MEGF11: variants seen among roughly 807,000 people sequenced by gnomAD.
The protein encoded by MEGF11 is multiple EGF like domains 11, also known as multiple epidermal growth factor-like domains protein 11.
MEGF11 carries 126 observed loss-of-function variants against 146.6 expected under a neutral mutation model. The observed-to-expected ratio is 0.86, with a 90% CI of 0.74 to 1.00. The LOEUF is 1.00. Among genes scored for constraint, MEGF11 ranks in the 50% least tolerant of loss-of-function variants. The probability of loss-of-function intolerance (pLI) is 0.00; values close to 1 mark genes in which losing one functional copy is unlikely to be tolerated. For synonymous variants in MEGF11, 532 were observed against 583.4 expected, an observed-to-expected ratio of 0.91 and a Z score of 1.27; for missense variants, 1,509 against 1,521.2, an observed-to-expected ratio of 0.99 and a Z score of 0.13.
At chr15:66,126,364 G>C (rs571250474) in intron 2 of MEGF11, among the ~76,000 whole-genome samples, 2 of 152,304 alleles carry the variant, frequency 1.3e-5, no homozygotes, top group South Asian at 4.1e-4. Context: ...AGAGTCCCCA[G>C]ACCTCATTCC....
chr15:65,950,628 A>C (rs565246326), intron 10 of MEGF11, among the ~76,000 whole-genome samples: 2 of 145,126 alleles, frequency 1.4e-5, no homozygotes, highest in African/African-American at 5.2e-5. Context: ...CACACACACA[A>C]AAGGAAATAA....
At chr15:66,166,375 T>C (rs147755702) in intron 1 of MEGF11, among the ~76,000 whole-genome samples, 1 of 152,252 alleles carries the variant, frequency 6.6e-6, no homozygotes, top group African/African-American at 2.4e-5. Flanking sequence ...CTCTGATCCA[T>C]GCACCAGCAT....
intron 16 of MEGF11, 48 bp downstream of exon 16, chr15:65,917,918 T>C (rs369914666): frequency 1.2e-6 from 2 of 1,611,364 alleles, no homozygotes; most frequent in African/African-American, 2.7e-5. Context: ...AGGGAGAATT[T>C]TTGGGCCTGA....
intron 5 of MEGF11, among the ~76,000 whole-genome samples, chr15:66,080,307 C>T (rs12912161): frequency 1.3e-5 from 2 of 152,302 alleles, no homozygotes; most frequent in South Asian, 2.1e-4. Context: ...TCACCAGATG[C>T]GGGACCTCAG....
chr15:65,913,002 T>C (rs993240676), intron 20 of MEGF11, among the ~76,000 whole-genome samples: 2 of 152,188 alleles, frequency 1.3e-5, no homozygotes, highest in African/African-American at 4.8e-5. Context: ...CCCAGGACTA[T>C]AGGGCAATTT....
chr15:65,966,799 G>A (rs996315888), intron 8 of MEGF11, among the ~76,000 whole-genome samples: 1 of 151,936 alleles, frequency 6.6e-6, no homozygotes, highest in Non-Finnish European at 1.5e-5. Context: ...TCCTCCGTGG[G>A]CGAGTGTGAC....
chr15:66,166,424 C>T (rs141006860), intron 1 of MEGF11, among the ~76,000 whole-genome samples: 4 of 152,272 alleles, frequency 2.6e-5, no homozygotes, highest in African/African-American at 4.8e-5. Context: ...CTCCTGCTTC[C>T]CCTCTTCCAG....
chr15:65,965,608 T>TCTTTC (rs1567180111), intron 8 of MEGF11, among the ~76,000 whole-genome samples: 8 of 68,862 alleles, frequency 1.2e-4, no homozygotes, highest in Non-Finnish European at 2.2e-4. Context: ...TTCTTTTTTT[T>TCTTTC]TTTTCTTTTT....
At position 65,902,470 on chromosome 15, in the gene MEGF11, AG is replaced by A. The variant is rs534494147; in HGVS notation, c.3056-3537del. On this transcript the variant is annotated intron_variant, in intron 24 of 25. Transcript: ENST00000395614. ...CTCTACTGGGACTGGAGAATGGGGA[AG>A]GGCTGGGCAAGCTGGAAACTCCACC... 1,041 of 152,366 alleles carry A rather than the reference AG, an allele frequency of 6.8e-3. 12 individuals are homozygous for A. The highest frequency in any genetic ancestry group is 0.011 in the Non-Finnish European group (735 of 68,084). The allele number at this position is 152,366 out of a possible 1,614,324, so 9.4% of individuals were successfully genotyped here. A position where few individuals can be genotyped will look rare whatever the true frequency, so the allele number is the denominator to read the frequency against.
intron 10 of MEGF11, among the ~76,000 whole-genome samples, chr15:65,937,970 G>C (rs1012189624): frequency 6.6e-6 from 1 of 152,226 alleles, no homozygotes; most frequent in African/African-American, 2.4e-5. Context: ...GGGCCCTTTA[G>C]CTCTGACTCT....
chr15:66,075,695 C>T (rs898864311), intron 5 of MEGF11, among the ~76,000 whole-genome samples: 8 of 152,132 alleles, frequency 5.3e-5, no homozygotes, highest in African/African-American at 1.9e-4. Context: ...GAGAAAAGGT[C>T]GGGACCCAGA....
At position 66,023,257 on chromosome 15, in the gene MEGF11, T is replaced by C. The variant is rs564249212; in HGVS notation, c.395-40769A>G. On this transcript the variant is annotated intron_variant, in intron 5 of 25. Transcript: ENST00000395614. ...TGGAGAGAGGCCAGTAGCAGCTGCT[T>C]CTTGCTCTGAATTCCAGGGTGCAGC... Among the ~76,000 whole-genome samples, 6 of 152,240 alleles carry C rather than the reference T, an allele frequency of 3.9e-5. No individual in the cohort carries two copies. The East Asian group carries it at 9.7e-4, about 25-fold the overall frequency.
chr15:66,160,640 A>G (rs1295534016), intron 1 of MEGF11, among the ~76,000 whole-genome samples: 1 of 149,778 alleles, frequency 6.7e-6, no homozygotes, highest in Non-Finnish European at 1.5e-5. Flanking sequence ...ACTATATGCC[A>G]GGCACTGCTC....
chr15:66,217,800 G>C (rs1290361606), intron 1 of MEGF11, among the ~76,000 whole-genome samples: 1 of 152,166 alleles, frequency 6.6e-6, no homozygotes, highest in Non-Finnish European at 1.5e-5. Context: ...TAGAACTCGG[G>C]CCTCCTGACT....
chr15:65,913,535 A>G (rs2078884308), intron 20 of MEGF11: 1 of 606,612 alleles, frequency 1.6e-6, no homozygotes, highest in Non-Finnish European at 2.9e-6. Context: ...AGCTGCTCAG[A>G]GCTAGGGACT....
chr15:65,972,355 C>T (rs2141620612), intron 7 of MEGF11, among the ~76,000 whole-genome samples: 1 of 152,194 alleles, frequency 6.6e-6, no homozygotes, highest in South Asian at 2.1e-4. Flanking sequence ...CACATCAAGG[C>T]ATGTTATCGT....
In MEGF11 at chr15:65,896,607, C is replaced by G. The variant is rs2141119274; in HGVS notation, c.*1327G>C. 1 of 152,678 alleles carries G rather than the reference C, an allele frequency of 6.5e-6. No individual in the cohort carries two copies. Among genetic ancestry groups the G allele is most frequent in the South Asian group, 2.1e-4 (1 of 4,820 alleles). The allele number at this position is 152,678 out of a possible 1,614,324, so 9.5% of individuals were successfully genotyped here. ...TGTTTTTAATTCTTGTGAGAAGGTT[C>G]TCTTTAGGGCTTGGGAGTTGATTTC... On this transcript the variant is annotated 3_prime_UTR_variant, in exon 26 of 26. Coordinates refer to ENST00000395614, the MANE Select transcript of MEGF11 (RefSeq NM_001385028.1).
At chr15:65,914,590 C>T (rs763976139) in intron 19 of MEGF11, among the ~76,000 whole-genome samples, 1 of 152,184 alleles carries the variant, frequency 6.6e-6, no homozygotes, top group Non-Finnish European at 1.5e-5. Context: ...GCTGCCCCCA[C>T]CCTCCATGCT....
intron 1 of MEGF11, among the ~76,000 whole-genome samples, chr15:66,186,782 G>A (rs1390932232): frequency 2.0e-5 from 3 of 152,230 alleles, no homozygotes; most frequent in African/African-American, 7.2e-5. Context: ...TCTCTGTCCT[G>A]TTTGGCCATG....
Sources: gnomAD v4.1 joint callset for allele counts (sites outside exome capture counted in the v4.1 genomes callset) on GRCh38, gnomAD v4.1.1 for gene constraint, MANE v1.5 for transcripts, NCBI Gene and HGNC (gene_info 2026-07-23, HGNC 2026-07-21) for gene names.